The following CNTNAP2 variants were observed in gnomAD, a reference collection of about 807,000 sequenced individuals.
The protein encoded by CNTNAP2 is contactin associated protein 2, also known as contactin-associated protein-like 2.
Under a neutral mutation model 155.2 loss-of-function variants are expected in CNTNAP2, and 98 were observed. That is an observed-to-expected ratio of 0.63 (90% CI 0.54 to 0.75). CNTNAP2 has a LOEUF of 0.75. CNTNAP2 is among the 30% of genes least tolerant of loss of function. The pLI is 0.00. For synonymous variants in CNTNAP2, 651 were observed against 631.2 expected, an observed-to-expected ratio of 1.03 and a Z score of -0.47; for missense variants, 1,727 against 1,688.1, an observed-to-expected ratio of 1.02 and a Z score of -0.40.
At position 146,391,950 on chromosome 7, in the gene CNTNAP2, A is replaced by G. The variant is rs558831994; in HGVS notation, c.97+274977A>G. On this transcript the variant is annotated intron_variant, in intron 1 of 23. Coordinates refer to ENST00000361727, the MANE Select transcript of CNTNAP2 (RefSeq NM_014141.6). ...ACAAAACCCCATGAAACAAGTTTAC[A>G]TAACAAACCTGCACTTGTACCCCCG... is the stretch of plus-strand genomic sequence containing the variant. 3.3e-5 allele frequency among the ~76,000 whole-genome samples: 5 copies of G among 152,302 alleles called. No individual in the cohort carries two copies. The South Asian group carries it at 1.0e-3, about 32-fold the overall frequency.
chr7:146,494,354 AAAAT>A (rs1381628481), intron 1 of CNTNAP2, among the ~76,000 whole-genome samples: 1 of 148,734 alleles, frequency 6.7e-6, no homozygotes, highest in Non-Finnish European at 1.5e-5. Flanking sequence ...TAAATAAATA[AAAAT>A]AAATAAATAA....
chr7:146,412,058 C>T (rs766999043), intron 1 of CNTNAP2, among the ~76,000 whole-genome samples: 11 of 152,098 alleles, frequency 7.2e-5, no homozygotes, highest in Non-Finnish European at 1.6e-4. Context: ...GTCTTGATCT[C>T]TTGACCTCCA....
chr7:147,414,765 C>T (rs1797160795), intron 10 of CNTNAP2, among the ~76,000 whole-genome samples: 1 of 151,602 alleles, frequency 6.6e-6, no homozygotes, highest in African/African-American at 2.4e-5. Context: ...CAAGGTGAAA[C>T]CCCGTCTCTA....
chr7:146,723,347 G>T (rs1242444431), intron 1 of CNTNAP2, among the ~76,000 whole-genome samples: 2 of 152,104 alleles, frequency 1.3e-5, no homozygotes, highest in Admixed American at 6.6e-5. Flanking sequence ...TTAGATTTTA[G>T]ACTTCTAAAC....
At chr7:146,832,112 C>T (rs1184232311) in intron 2 of CNTNAP2, among the ~76,000 whole-genome samples, 1 of 152,128 alleles carries the variant, frequency 6.6e-6, no homozygotes, top group Non-Finnish European at 1.5e-5. Flanking sequence ...ATCACATGAC[C>T]TCCTTGCAGA....
At chr7:146,373,234 G>A (rs972619938) in intron 1 of CNTNAP2, among the ~76,000 whole-genome samples, 4 of 152,094 alleles carry the variant, frequency 2.6e-5, no homozygotes, top group African/African-American at 7.2e-5. Flanking sequence ...CCATGAAACC[G>A]TGAAGTGGAC....
At chr7:147,501,300 G>T (rs371209318) in intron 11 of CNTNAP2, among the ~76,000 whole-genome samples, 2 of 151,636 alleles carry the variant, frequency 1.3e-5, no homozygotes, top group Non-Finnish European at 2.9e-5. Context: ...AAAACTGAAC[G>T]CTTTCCCTCA....
intron 8 of CNTNAP2, among the ~76,000 whole-genome samples, chr7:147,266,216 C>T (rs1224005817): frequency 6.6e-6 from 1 of 152,092 alleles, no homozygotes; most frequent in African/African-American, 2.4e-5. Flanking sequence ...TAACCCAATA[C>T]CAAAAAGCTA....
intron 3 of CNTNAP2, among the ~76,000 whole-genome samples, chr7:146,969,642 T>A (rs1394339562): frequency 1.5e-5 from 1 of 68,920 alleles, no homozygotes; most frequent in East Asian, 2.1e-4. Context: ...ACCCCTGCCT[T>A]TTTTTTGGTT....
chr7:146,436,908 A>G (rs1236516601), intron 1 of CNTNAP2, among the ~76,000 whole-genome samples: 3 of 151,602 alleles, frequency 2.0e-5, no homozygotes, highest in African/African-American at 7.3e-5. Flanking sequence ...TATTGTTAAC[A>G]TTTGTTGACA....
intron 13 of CNTNAP2, among the ~76,000 whole-genome samples, chr7:147,732,906 T>C (rs1228231973): frequency 6.6e-6 from 1 of 152,242 alleles, no homozygotes; most frequent in African/African-American, 2.4e-5. Context: ...GTAAATTTGT[T>C]TGAGTTCTTT....
At chr7:148,076,669 T>G (rs975251515) in intron 15 of CNTNAP2, among the ~76,000 whole-genome samples, 4 of 151,862 alleles carry the variant, frequency 2.6e-5, no homozygotes, top group Admixed American at 1.3e-4. Context: ...TCTCCTGACC[T>G]CGTGATCCAC....
intron 8 of CNTNAP2, among the ~76,000 whole-genome samples, chr7:147,187,465 C>T (rs1451387795): frequency 6.6e-6 from 1 of 152,090 alleles, no homozygotes; most frequent in Non-Finnish European, 1.5e-5. Context: ...TATGAAGCAA[C>T]ATGGATGTAG....
intron 14 of CNTNAP2, among the ~76,000 whole-genome samples, chr7:147,911,963 C>A (rs1214633070): frequency 6.6e-6 from 1 of 152,044 alleles, no homozygotes; most frequent in Non-Finnish European, 1.5e-5. Flanking sequence ...CTGTAGTGCT[C>A]CTGATTTGGT....
At chr7:148,200,952 A>C (rs138375322) in intron 18 of CNTNAP2, among the ~76,000 whole-genome samples, 1 of 152,168 alleles carries the variant, frequency 6.6e-6, no homozygotes, top group African/African-American at 2.4e-5. Flanking sequence ...TGGTGCTGAA[A>C]TTTAAAGACA....
intron 13 of CNTNAP2, among the ~76,000 whole-genome samples, chr7:147,835,924 A>G (rs1241831152): frequency 6.6e-6 from 1 of 152,140 alleles, no homozygotes; most frequent in Non-Finnish European, 1.5e-5. Context: ...AAGAGGCAAC[A>G]AACCTCCTCC....
intron 4 of CNTNAP2, among the ~76,000 whole-genome samples, chr7:147,056,486 C>A (rs973296005): frequency 2.0e-4 from 30 of 152,244 alleles, no homozygotes; most frequent in African/African-American, 6.7e-4. Context: ...ACTGAGCTCA[C>A]TTTGATTTGA....
intron 16 of CNTNAP2, among the ~76,000 whole-genome samples, chr7:148,140,342 G>A (rs560609834): frequency 6.6e-4 from 101 of 152,048 alleles, no homozygotes; most frequent in Non-Finnish European, 1.2e-3. Context: ...GAAGGCTGGA[G>A]AATATAAGCC....
chr7:146,502,291 G>A (rs899818581), intron 1 of CNTNAP2, among the ~76,000 whole-genome samples: 2 of 128,866 alleles, frequency 1.6e-5, no homozygotes, highest in Non-Finnish European at 3.1e-5. Context: ...TCATCTGTTG[G>A]TGTACATTTA....
Sources: gnomAD v4.1 joint callset for allele counts (sites outside exome capture counted in the v4.1 genomes callset) on GRCh38, gnomAD v4.1.1 for gene constraint, MANE v1.5 for transcripts, NCBI Gene and HGNC (gene_info 2026-07-23, HGNC 2026-07-21) for gene names.